MID1: variants seen among roughly 807,000 people sequenced by gnomAD.
The protein encoded by MID1 is midline 1.
MID1 carries 7 observed loss-of-function variants against 40.4 expected under a neutral mutation model. The observed-to-expected ratio is 0.17, with a 90% CI of 0.10 to 0.33. The LOEUF (loss-of-function observed/expected upper bound fraction) is 0.33, where lower values mean the gene tolerates loss of function less well. MID1 is among the 10% of genes least tolerant of loss of function. The probability of loss-of-function intolerance (pLI) is 1.00; values close to 1 mark genes in which losing one functional copy is unlikely to be tolerated. For missense variants in MID1, 367 were observed against 558.5 expected (o/e 0.66, Z 3.46); for synonymous variants, 229 against 221.2 (o/e 1.04, Z -0.31).
At position 10,730,106 on chromosome X, in the gene MID1, GAATA is replaced by G. The variant is rs200112053; in HGVS notation, c.-187+103444_-187+103447del. Among the ~76,000 whole-genome samples the G allele has an allele frequency of 5.2e-3, 557 of 106,253 alleles. 8 individuals are homozygous for G. The highest frequency in any genetic ancestry group is 0.05 in the East Asian group (169 of 3,388). 92.3% of individuals were successfully genotyped at this position (106,253 alleles called of 115,157 possible). On this transcript the variant is annotated intron_variant, in intron 1 of 10. Coordinates refer to the MID1 transcript ENST00000380785. ...CTCAAAAAAAAAAAAATAAATAAAT[GAATA>G]AATAAATAAATAAATAAAATTCTTA... is the stretch of plus-strand genomic sequence containing the variant.
At chrX:10,638,742 G>A (rs1342965691) in intron 1 of MID1, among the ~76,000 whole-genome samples, 1 of 112,204 alleles carries the variant, frequency 8.9e-6, no homozygotes, top group African/African-American at 3.2e-5. Context: ...TAGCCTAACT[G>A]GGAGACACAT....
intron 1 of MID1, among the ~76,000 whole-genome samples, chrX:10,723,592 C>T (rs1211104087): frequency 1.8e-5 from 2 of 113,302 alleles, no homozygotes; most frequent in African/African-American, 6.4e-5. Flanking sequence ...CGCTCTGCCG[C>T]CCAGGCTGGA....
At chrX:10,714,039 C>T (rs1002472866) in intron 1 of MID1, among the ~76,000 whole-genome samples, 3 of 111,870 alleles carry the variant, frequency 2.7e-5, no homozygotes, top group Non-Finnish European at 5.6e-5. Flanking sequence ...TGTCCTGTTT[C>T]CAGTTACCAC....
chrX:10,810,936 C>T (rs1020335209), intron 1 of MID1, among the ~76,000 whole-genome samples: 1 of 110,641 alleles, frequency 9.0e-6, no homozygotes, highest in African/African-American at 3.3e-5. Context: ...GTATGATGCC[C>T]CTCTCTACAA....
At chrX:10,771,658 A>ATTTTTTTTTTTTT (rs765034374) in intron 1 of MID1, among the ~76,000 whole-genome samples, 1 of 82,267 alleles carries the variant, frequency 1.2e-5, no homozygotes, top group South Asian at 5.9e-4. Flanking sequence ...TGCCTGGCTA[A>ATTTTTTTTTTTTT]TTTTTTTTTT....
intron 1 of MID1, among the ~76,000 whole-genome samples, chrX:10,675,003 A>G (rs1442260915): frequency 2.7e-5 from 3 of 112,534 alleles, no homozygotes; most frequent in Admixed American, 1.9e-4. Context: ...GTTGAAACCT[A>G]TATTTTATAA....
chrX:10,533,652 A>G (rs1933124768), intron 2 of MID1, among the ~76,000 whole-genome samples: 1 of 111,971 alleles, frequency 8.9e-6, no homozygotes, highest in African/African-American at 3.2e-5. Flanking sequence ...AAAATTCTAA[A>G]GACTCTTTTT....
At chrX:10,562,407 T>C (rs1390579788) in intron 2 of MID1, among the ~76,000 whole-genome samples, 1 of 102,112 alleles carries the variant, frequency 9.8e-6, no homozygotes, top group Non-Finnish European at 1.9e-5. Context: ...TTTCACTCTC[T>C]GAGTGGAAGG....
rs1602593536 is a variant in MID1, at chrX:10,813,767, A to G, written c.-187+19787T>C. 3.6e-5 allele frequency among the ~76,000 whole-genome samples: 4 copies of G among 111,963 alleles called. 1 individual carries two copies. The Admixed American group carries it at 3.8e-4, about 11-fold the overall frequency. On this transcript the variant is annotated intron_variant, in intron 1 of 10. Coordinates refer to the MID1 transcript ENST00000380785. ...TTTCTCAGGGAATGCCTGGAAACCA[A>G]GATAATTGCTCATCAGAACTACTTT...
chrX:10,464,172 T>A (rs2147272403), intron 7 of MID1, among the ~76,000 whole-genome samples: 1 of 112,110 alleles, frequency 8.9e-6, no homozygotes, highest in Non-Finnish European at 1.9e-5. Flanking sequence ...TGGCAACTGG[T>A]TTCTGGGAAC....
chrX:10,535,152 C>A (rs774835167), intron 2 of MID1, among the ~76,000 whole-genome samples: 2 of 111,719 alleles, frequency 1.8e-5, no homozygotes, highest in Non-Finnish European at 3.8e-5. Flanking sequence ...ACATGGCAAT[C>A]ACCTGGATCT....
intron 1 of MID1, among the ~76,000 whole-genome samples, chrX:10,652,843 G>A (rs778451329): frequency 9.0e-6 from 1 of 111,593 alleles, no homozygotes; most frequent in South Asian, 3.8e-4. Context: ...AGTTTCTTCA[G>A]GTGTCTGCTC....
chrX:10,520,259 G>C (rs1932643643), intron 3 of MID1, among the ~76,000 whole-genome samples: 2 of 111,205 alleles, frequency 1.8e-5, no homozygotes, highest in Admixed American at 1.9e-4. Context: ...TCTATATTTT[G>C]TGTGCCAGTA....
At chrX:10,734,957 C>T (rs2043477390) in intron 1 of MID1, among the ~76,000 whole-genome samples, 2 of 112,201 alleles carry the variant, frequency 1.8e-5, no homozygotes, top group Admixed American at 1.9e-4. Flanking sequence ...GCATCTTTCT[C>T]ATAGTGATGA....
chrX:10,609,951 C>T lies in MID1; in HGVS notation c.-57+10339G>A, dbSNP rs181702165. Among the ~76,000 whole-genome samples the T allele has an allele frequency of 8.8e-3, 975 of 111,250 alleles. 15 individuals are homozygous for T. The highest frequency in any genetic ancestry group is 0.03 in the African/African-American group (930 of 30,576). ...GCCAGGATGGTCTCGTTCTCCTGAC[C>T]TCGTGATCCGCCCGCCTCGGCTTCC... On this transcript the variant is annotated intron_variant, in intron 1 of 9. Coordinates refer to ENST00000317552, the MANE Select transcript of MID1 (RefSeq NM_000381.4).
chrX:10,752,347 G>A (rs771990768), intron 1 of MID1, among the ~76,000 whole-genome samples: 3 of 111,641 alleles, frequency 2.7e-5, no homozygotes, highest in Non-Finnish European at 3.8e-5. Context: ...GCAAGCATGC[G>A]AATTCTTGTG....
chrX:10,496,506 C>A (rs2147323132), intron 3 of MID1, among the ~76,000 whole-genome samples: 1 of 112,299 alleles, frequency 8.9e-6, no homozygotes, highest in African/African-American at 3.2e-5. Context: ...AAACAGAAAC[C>A]CAGAAACCAC....
intron 1 of MID1, among the ~76,000 whole-genome samples, chrX:10,609,695 T>TTTTC (rs1201943270): frequency 1.1e-3 from 118 of 107,851 alleles, no homozygotes; most frequent in African/African-American, 2.9e-3. Flanking sequence ...AGACCTGGCA[T>TTTTC]TTTCTTTCTT....
chrX:10,510,781 G>A (rs1462584382), intron 3 of MID1, among the ~76,000 whole-genome samples: 3 of 91,369 alleles, frequency 3.3e-5, no homozygotes, highest in Non-Finnish European at 6.2e-5. Flanking sequence ...GCAGTGAGCC[G>A]AGATCACGCC....
Sources: gnomAD v4.1 joint callset for allele counts (sites outside exome capture counted in the v4.1 genomes callset) on GRCh38, gnomAD v4.1.1 for gene constraint, MANE v1.5 for transcripts, NCBI Gene and HGNC (gene_info 2026-07-23, HGNC 2026-07-21) for gene names.